The following FBXO11 variants were observed in gnomAD, a reference collection of about 807,000 sequenced individuals.
The protein encoded by FBXO11 is F-box protein 11.
A neutral mutation model predicts 117.0 loss-of-function variants in FBXO11; 13 were observed. The observed-to-expected ratio is 0.11, with a 90% CI of 0.07 to 0.18. FBXO11 has a LOEUF of 0.18. FBXO11 is among the 10% of genes least tolerant of loss of function. The pLI is 1.00. For synonymous variants in FBXO11, 490 were observed against 380.5 expected (o/e 1.29, Z -3.35); for missense variants, 767 against 1,164.4 (o/e 0.66, Z 4.97).
At chr2:47,894,477 C>T (rs1003657366) in intron 1 of FBXO11, among the ~76,000 whole-genome samples, 1 of 152,158 alleles carries the variant, frequency 6.6e-6, no homozygotes, top group African/African-American at 2.4e-5. Flanking sequence ...CTTATCACCA[C>T]TTCAGCAGCA....
intron 12 of FBXO11, 147 bp downstream of exon 12, chr2:47,822,996 C>A: frequency 1.8e-6 from 1 of 569,614 alleles, no homozygotes; most frequent in Non-Finnish European, 3.0e-6. Context: ...ATGGCTCATT[C>A]AGATGCACAG....
intron 1 of FBXO11, among the ~76,000 whole-genome samples, chr2:47,896,896 C>T (rs1426303613): frequency 3.9e-5 from 6 of 152,148 alleles, no homozygotes; most frequent in Non-Finnish European, 7.4e-5. Context: ...GTGCCTTACT[C>T]CAACTTCTAT....
At chr2:47,838,146 T>A (rs1437004546) in intron 4 of FBXO11, among the ~76,000 whole-genome samples, 1 of 150,826 alleles carries the variant, frequency 6.6e-6, no homozygotes. Flanking sequence ...GGTGGGAGAA[T>A]GGCTTGAGCC....
At chr2:47,863,905 CACTCCA>C (rs1674988040) in intron 1 of FBXO11, among the ~76,000 whole-genome samples, 1 of 151,182 alleles carries the variant, frequency 6.6e-6, no homozygotes, top group Admixed American at 6.6e-5. Context: ...TGTGCCAATG[CACTCCA>C]ACCTGGGAGA....
At chr2:47,865,009 G>C (rs1558454979) in intron 1 of FBXO11, among the ~76,000 whole-genome samples, 1 of 152,198 alleles carries the variant, frequency 6.6e-6, no homozygotes, top group African/African-American at 2.4e-5. Flanking sequence ...TATTTATAGA[G>C]TAAAATTTTC....
chr2:47,850,149 A>G (rs1210483523), intron 1 of FBXO11, among the ~76,000 whole-genome samples: 1 of 152,156 alleles, frequency 6.6e-6, no homozygotes, highest in African/African-American at 2.4e-5. Flanking sequence ...AAACTTGATG[A>G]GTGGGTATGG....
intron 1 of FBXO11, among the ~76,000 whole-genome samples, chr2:47,869,469 CT>C (rs1371447335): frequency 6.6e-6 from 1 of 152,134 alleles, no homozygotes; most frequent in African/African-American, 2.4e-5. Flanking sequence ...AGGAGATCCC[CT>C]AAGGCAACTC....
At position 47,906,408 on chromosome 2, in the gene FBXO11, C is replaced by T. The variant is rs1171838150; in HGVS notation, c.-688G>A. ...TTCCTCCTCCTTAAAGGAACCTTTC[C>T]TCCTCCTCCTCGTCAGCCCTGTCGC... On this transcript the variant is annotated 5_prime_UTR_variant, in exon 1 of 23. Coordinates refer to ENST00000403359, the MANE Select transcript of FBXO11 (RefSeq NM_001190274.2). 6.6e-6 allele frequency among the ~76,000 whole-genome samples: 1 copy of T among 151,752 alleles called. No individual in the cohort carries two copies. The highest frequency in any genetic ancestry group is 2.4e-5 in the African/African-American group (1 of 41,062).
chr2:47,817,039 C>T (rs1671054146), intron 16 of FBXO11, among the ~76,000 whole-genome samples: 1 of 152,156 alleles, frequency 6.6e-6, no homozygotes, highest in East Asian at 1.9e-4. Context: ...GTTCTGGATG[C>T]ATCTTCTTCC....
chr2:47,896,416 A>ACCTC (rs1677670759), intron 1 of FBXO11, among the ~76,000 whole-genome samples: 1 of 150,918 alleles, frequency 6.6e-6, no homozygotes. Flanking sequence ...TCTAGCCTTG[A>ACCTC]CCTCCCTGGC....
chr2:47,836,869 A>T (rs1365686099), intron 4 of FBXO11: 2 of 330,930 alleles, frequency 6.0e-6, no homozygotes, highest in Non-Finnish European at 1.2e-5. Flanking sequence ...TTGCAGCCTT[A>T]ACCTCCCAGG....
chr2:47,876,000 A>T (rs775025941), intron 1 of FBXO11, among the ~76,000 whole-genome samples: 48 of 152,326 alleles, frequency 3.2e-4, no homozygotes, highest in Admixed American at 2.2e-3. Flanking sequence ...TCCCCACAAC[A>T]ACTATGAGAA....
intron 1 of FBXO11, chr2:47,888,630 A>T: frequency 3.1e-6 from 3 of 970,914 alleles, no homozygotes; most frequent in Non-Finnish European, 3.7e-6. Context: ...ACTTACTTTT[A>T]GGCTTGTTCT....
chr2:47,835,566 T>G (rs547824126), intron 5 of FBXO11, among the ~76,000 whole-genome samples: 1 of 152,198 alleles, frequency 6.6e-6, no homozygotes, highest in East Asian at 1.9e-4. Context: ...CAGTGCAATG[T>G]CAGCTCTCTG....
At position 47,900,607 on chromosome 2, in the gene FBXO11, CACACGTATAT is replaced by C. The variant is rs1358567914; in HGVS notation, c.232+4872_232+4881del. On this transcript the variant is annotated intron_variant, in intron 1 of 22. Coordinates refer to ENST00000403359, the MANE Select transcript of FBXO11 (RefSeq NM_001190274.2). Reference sequence around the variant, plus strand: ...ATATATACGTATATACACACGTATACACACGTATATACACACGTATACACACACGTACGTA... The same window carrying C: ...ATATATACGTATATACACACGTATACACACACGTATACACACACGTACGTA... Among the ~76,000 whole-genome samples the C allele has an allele frequency of 3.6e-5, 4 of 110,094 alleles. 1 individual carries two copies. Among genetic ancestry groups the C allele is most frequent in the Non-Finnish European group, 5.6e-5 (3 of 53,254 alleles). 72.2% of individuals were successfully genotyped at this position (110,094 alleles called of 152,430 possible).
At position 47,905,814 on chromosome 2, in the gene FBXO11, A is replaced by G. The variant is rs1445804646; in HGVS notation, c.-94T>C. The G allele has an allele frequency of 1.1e-5, 3 of 272,356 alleles. No homozygotes were observed. Among genetic ancestry groups the G allele is most frequent in the Non-Finnish European group, 1.6e-5 (3 of 182,278 alleles). 16.9% of individuals were successfully genotyped at this position (272,356 alleles called of 1,614,324 possible). A position where few individuals can be genotyped will look rare whatever the true frequency, so the allele number is the denominator to read the frequency against. On this transcript the variant is annotated 5_prime_UTR_variant, in exon 1 of 23. Transcript: ENST00000403359. Reference sequence around the variant, plus strand: ...AGGAGAAAGGGGTGGGGAGAGTGGGAGAGGGGGGAGGAAGGAGAGGGGGCG... The same window carrying G: ...AGGAGAAAGGGGTGGGGAGAGTGGGGGAGGGGGGAGGAAGGAGAGGGGGCG...
At chr2:47,834,553 T>G in intron 7 of FBXO11, 26 bp downstream of exon 7, 1 of 1,504,408 alleles carries the variant, frequency 6.6e-7, no homozygotes, top group Non-Finnish European at 8.9e-7. Flanking sequence ...ATATTAAAAT[T>G]TTAATGACAA....
chr2:47,858,044 A>T (rs1449830771), intron 1 of FBXO11, among the ~76,000 whole-genome samples: 1 of 152,246 alleles, frequency 6.6e-6, no homozygotes, highest in Non-Finnish European at 1.5e-5. Context: ...TTTTAAAAAA[A>T]TCATTGCCTT....
chr2:47,900,760 G>A (rs1349669521), intron 1 of FBXO11, among the ~76,000 whole-genome samples: 4 of 78,146 alleles, frequency 5.1e-5, no homozygotes, highest in South Asian at 4.5e-4. Context: ...ATACACACAC[G>A]TGTATATATA....
Sources: allele counts gnomAD v4.1 joint callset (sites outside exome capture counted in the v4.1 genomes callset), GRCh38; gene constraint gnomAD v4.1.1; transcripts MANE v1.5; gene names NCBI Gene and HGNC (gene_info 2026-07-23, HGNC 2026-07-21).